The following ANKFY1 variants were observed in gnomAD, a reference collection of about 807,000 sequenced individuals.
The protein encoded by ANKFY1 is ankyrin repeat and FYVE domain containing 1.
A neutral mutation model predicts 128.3 loss-of-function variants in ANKFY1; 47 were observed. The ratio of observed to expected loss-of-function variants is 0.37; its 90% CI spans 0.29 to 0.47. ANKFY1 has a LOEUF of 0.47. ANKFY1 is among the 20% of genes least tolerant of loss of function. ANKFY1 has a pLI of 1.00. For missense variants in ANKFY1, 1,222 were observed against 1,510.6 expected, an observed-to-expected ratio of 0.81 and a Z score of 3.17; for synonymous variants, 553 against 601.6, an observed-to-expected ratio of 0.92 and a Z score of 1.18.
chr17:4,256,602 C>A (rs1167830340), intron 1 of ANKFY1, among the ~76,000 whole-genome samples: 1 of 152,072 alleles, frequency 6.6e-6, no homozygotes, highest in Non-Finnish European at 1.5e-5. Context: ...TTTTTGGTGA[C>A]TGACTTGAGA....
intron 7 of ANKFY1, among the ~76,000 whole-genome samples, chr17:4,202,952 A>G (rs1228593539): frequency 2.7e-5 from 4 of 149,098 alleles, no homozygotes; most frequent in Non-Finnish European, 3.0e-5. Flanking sequence ...AGATCCAAAT[A>G]TAAAGTTCTT....
chr17:4,180,989 TA>T (rs2059505579), intron 16 of ANKFY1: 1 of 413,760 alleles, frequency 2.4e-6, no homozygotes, highest in South Asian at 3.2e-5. Context: ...CTGCCGTGAC[TA>T]CAGGAGCTCA....
intron 3 of ANKFY1, chr17:4,222,315 T>C (rs1598102698): frequency 4.2e-6 from 3 of 722,202 alleles, no homozygotes; most frequent in Non-Finnish European, 7.7e-6. Flanking sequence ...TGATCGGTCT[T>C]GATGCAGAAC....
intron 3 of ANKFY1, chr17:4,223,828 G>C (rs1190360529): frequency 1.5e-6 from 2 of 1,325,442 alleles, no homozygotes; most frequent in African/African-American, 2.9e-5. Context: ...GCCTACGTCT[G>C]ACTCTTCTCT....
rs773589089 is a variant in ANKFY1, at chr17:4,204,453, G to A, written c.898+1868C>T. The stretch of plus-strand genomic sequence containing the variant: ...TCATAAAGCCAGTGCTCTGTCTACC[G>A]TAATATGCAACACTCTAAAGTTAGC... On this transcript the variant is annotated intron_variant, in intron 7 of 24. Coordinates refer to ENST00000341657, the MANE Select transcript of ANKFY1 (RefSeq NM_001330063.2). 1.2e-3 allele frequency among the ~76,000 whole-genome samples: 187 copies of A among 152,270 alleles called. 5 individuals carry two copies. The highest frequency in any genetic ancestry group is 6.5e-4 in the Admixed American group (10 of 15,292).
intron 2 of ANKFY1, among the ~76,000 whole-genome samples, chr17:4,241,710 G>A (rs192273875): frequency 2.6e-5 from 4 of 152,142 alleles, no homozygotes; most frequent in Admixed American, 2.6e-4. Flanking sequence ...TTCCTAGACA[G>A]GTAAGTCAAT....
chr17:4,230,245 G>A (rs1317778857), intron 3 of ANKFY1, among the ~76,000 whole-genome samples: 1 of 152,192 alleles, frequency 6.6e-6, no homozygotes, highest in Admixed American at 6.5e-5. Flanking sequence ...CAACCAGAGT[G>A]AAAAGGAATA....
chr17:4,221,658 AC>A (rs1225161536), intron 3 of ANKFY1, among the ~76,000 whole-genome samples: 3 of 152,024 alleles, frequency 2.0e-5, no homozygotes, highest in Admixed American at 2.0e-4. Context: ...TCACTCTGTT[AC>A]CCAGGCTGCA....
intron 24 of ANKFY1, chr17:4,168,945 G>A (rs539267506): frequency 2.6e-5 from 13 of 492,152 alleles, no homozygotes; most frequent in African/African-American, 2.1e-4. Context: ...GCACAGGCCT[G>A]GCAGGCTGCC....
chr17:4,222,710 A>G lies in ANKFY1; in HGVS notation c.323-5592T>C, dbSNP rs78193002. Reference sequence around the variant, plus strand: ...CTCCAACCACTTCTACGCGTGTTTTATATTAGGGTAGGGTTTCTTGTGCAG... The same window carrying G: ...CTCCAACCACTTCTACGCGTGTTTTGTATTAGGGTAGGGTTTCTTGTGCAG... On this transcript the variant is annotated intron_variant, in intron 3 of 24. Coordinates refer to ENST00000341657, the MANE Select transcript of ANKFY1 (RefSeq NM_001330063.2). The G allele has an allele frequency of 1.4e-3, 1,190 of 879,444 alleles. 7 individuals are homozygous for G. In the African/African-American group the frequency reaches 0.017, roughly 13 times the overall value. The allele number at this position is 879,444 out of a possible 1,614,324, so 54.5% of individuals were successfully genotyped here.
At chr17:4,249,349 C>T (rs1006529070) in intron 1 of ANKFY1, among the ~76,000 whole-genome samples, 3 of 152,154 alleles carry the variant, frequency 2.0e-5, no homozygotes, top group African/African-American at 7.2e-5. Flanking sequence ...ATAATTTTCA[C>T]ATCATGATAC....
Position 4,221,352 on chromosome 17 carries a change from T to C in ANKFY1, c.323-4234A>G, listed in dbSNP as rs537753801. Among the ~76,000 whole-genome samples the C allele has an allele frequency of 2.6e-5, 4 of 152,252 alleles. 1 individual carries two copies. The South Asian group carries it at 6.2e-4, about 24-fold the overall frequency. On this transcript the variant is annotated intron_variant, in intron 3 of 24. Coordinates refer to ENST00000341657, the MANE Select transcript of ANKFY1 (RefSeq NM_001330063.2). The stretch of plus-strand genomic sequence containing the variant: ...TGAGCCTGCCGAGTAAACGGGACTA[T>C]AGACACATACCACTGTGCCTGGCTA...
intron 7 of ANKFY1, among the ~76,000 whole-genome samples, chr17:4,201,876 G>A (rs1247042254): frequency 6.6e-6 from 1 of 152,070 alleles, no homozygotes; most frequent in African/African-American, 2.4e-5. Flanking sequence ...TCTGTAGCAT[G>A]AACAAACTCC....
At position 4,166,794 on chromosome 17, in the gene ANKFY1, C is replaced by T. The variant is rs1167772276; in HGVS notation, c.*985G>A. On this transcript the variant is annotated 3_prime_UTR_variant, in exon 25 of 25. Coordinates refer to ENST00000341657, the MANE Select transcript of ANKFY1 (RefSeq NM_001330063.2). ...TTGGGGCTGAAGCCTTGGTGACTCC[C>T]CCTCTCATCACTTGGCCTGTATGAA... 6.6e-6 allele frequency: 1 copy of T among 152,258 alleles called. No homozygotes were observed. Among genetic ancestry groups the T allele is most frequent in the Non-Finnish European group, 1.5e-5 (1 of 68,058 alleles). The allele number at this position is 152,258 out of a possible 1,614,324, so 9.4% of individuals were successfully genotyped here.
chr17:4,223,088 A>T, intron 3 of ANKFY1: 1 of 729,226 alleles, frequency 1.4e-6, no homozygotes, highest in Admixed American at 2.1e-5. Flanking sequence ...TAATAGATAA[A>T]AAAGATCCAA....
At chr17:4,253,829 TA>T (rs1246605684) in intron 1 of ANKFY1, among the ~76,000 whole-genome samples, 3 of 152,138 alleles carry the variant, frequency 2.0e-5, no homozygotes, top group Admixed American at 2.0e-4. Flanking sequence ...TCTTCTGACT[TA>T]ATAAACTACA....
chr17:4,202,718 AAGAG>A, intron 7 of ANKFY1, among the ~76,000 whole-genome samples: 1 of 120,698 alleles, frequency 8.3e-6, no homozygotes, highest in African/African-American at 2.7e-5. Flanking sequence ...AAAAAAAAAA[AAGAG>A]AGATAAATAC....
intron 22 of ANKFY1, among the ~76,000 whole-genome samples, chr17:4,171,626 C>T (rs905053678): frequency 2.0e-4 from 31 of 152,176 alleles, no homozygotes; most frequent in Admixed American, 9.2e-4. Context: ...CAACACGGAG[C>T]CCCTCCCTGC....
At chr17:4,218,151 T>A (rs562370698) in intron 3 of ANKFY1, among the ~76,000 whole-genome samples, 2 of 152,372 alleles carry the variant, frequency 1.3e-5, no homozygotes, top group Non-Finnish European at 2.9e-5. Context: ...TACATTTTTT[T>A]ATCTCTCAGA....
Sources: allele counts gnomAD v4.1 joint callset (sites outside exome capture counted in the v4.1 genomes callset), GRCh38; gene constraint gnomAD v4.1.1; transcripts MANE v1.5; gene names NCBI Gene and HGNC (gene_info 2026-07-23, HGNC 2026-07-21).